COL22A1: variants seen among roughly 807,000 people sequenced by gnomAD.
COL22A1 encodes the protein collagen type XXII alpha 1 chain.
A neutral mutation model predicts 248.9 loss-of-function variants in COL22A1; 221 were observed. That is an observed-to-expected ratio of 0.89 (90% CI 0.80 to 0.99). The LOEUF (loss-of-function observed/expected upper bound fraction) is 0.99, where lower values mean the gene tolerates loss of function less well. Among genes scored for constraint, COL22A1 ranks in the 50% least tolerant of loss-of-function variants. The pLI, the probability that COL22A1 is intolerant of heterozygous loss-of-function variation, is 0.00. For missense variants in COL22A1, 2,240 were observed against 2,179.0 expected, an observed-to-expected ratio of 1.03 and a Z score of -0.56; for synonymous variants, 891 against 793.4, an observed-to-expected ratio of 1.12 and a Z score of -2.07.
At chr8:138,727,730 C>A (rs1338725208) in intron 23 of COL22A1, among the ~76,000 whole-genome samples, 1 of 152,140 alleles carries the variant, frequency 6.6e-6, no homozygotes, top group Non-Finnish European at 1.5e-5. Context: ...TCCGTCCTGG[C>A]AAGTCTTAGG....
intron 39 of COL22A1, among the ~76,000 whole-genome samples, chr8:138,683,883 C>CCCA (rs1200175916): frequency 6.6e-6 from 1 of 152,130 alleles, no homozygotes; most frequent in African/African-American, 2.4e-5. Context: ...GTCAGTGTCT[C>CCCA]CCACCACTTC....
chr8:138,883,910 T>G (rs756051653), intron 1 of COL22A1, among the ~76,000 whole-genome samples: 1 of 152,152 alleles, frequency 6.6e-6, no homozygotes, highest in African/African-American at 2.4e-5. Context: ...TCGTTCAGTG[T>G]CACCGTCCTC....
chr8:138,712,357 G>C (rs1290966163), intron 30 of COL22A1, among the ~76,000 whole-genome samples: 1 of 152,140 alleles, frequency 6.6e-6, no homozygotes, highest in Non-Finnish European at 1.5e-5. Context: ...AACTAGAGGT[G>C]CATTTGGTCA....
At chr8:138,791,273 A>G (rs1026099494) in intron 12 of COL22A1, among the ~76,000 whole-genome samples, 34 of 152,192 alleles carry the variant, frequency 2.2e-4, no homozygotes, top group African/African-American at 6.8e-4. Context: ...AGAATCAATA[A>G]CAGGAAGGCA....
At chr8:138,731,191 C>G (rs1457327237) in intron 23 of COL22A1, among the ~76,000 whole-genome samples, 1 of 151,996 alleles carries the variant, frequency 6.6e-6, no homozygotes, top group African/African-American at 2.4e-5. Context: ...ATCACAGCTA[C>G]TAGGGAGGCT....
intron 16 of COL22A1, among the ~76,000 whole-genome samples, chr8:138,768,990 A>G (rs13340592): frequency 0.088 from 13,309 of 151,664 alleles, 634 homozygotes; most frequent in African/African-American, 0.1. Context: ...TACCTCCCCC[A>G]TGAAGACTCT....
chr8:138,833,457 G>A (rs149057158), intron 4 of COL22A1, among the ~76,000 whole-genome samples: 55 of 152,310 alleles, frequency 3.6e-4, no homozygotes, highest in African/African-American at 1.2e-3. Context: ...TGTGAGGGCC[G>A]CAGGGTCTTG....
rs577295085 is a variant in COL22A1 at position 138,628,348 on chromosome 8, A to C, written c.3664-2105T>G. 1.6e-4 allele frequency among the ~76,000 whole-genome samples: 24 copies of C among 151,102 alleles called. No homozygotes were observed. In the South Asian group the frequency reaches 5.0e-3, roughly 31 times the overall value. On this transcript the variant is annotated intron_variant, in intron 50 of 64. Coordinates refer to ENST00000303045, the MANE Select transcript of COL22A1 (RefSeq NM_152888.3). ...ATGCCTGTAATCCTAGCACTTTGGG[A>C]AGCCAAGGCAGGAGGAACACTTGAG... is the stretch of plus-strand genomic sequence containing the variant.
In COL22A1 at chr8:138,667,647, T is replaced by C. The variant is rs74827085; in HGVS notation, c.3151-3907A>G. On this transcript the variant is annotated intron_variant, in intron 41 of 64. Transcript: ENST00000303045. ...TATATTCTGCCTTCCATATGTCTTG[T>C]ACCACTAGGTATCCAAAGGGTACTT... Among the ~76,000 whole-genome samples the C allele has an allele frequency of 4.7e-3, 713 of 152,338 alleles. 17 individuals carry two copies. In the East Asian group the frequency reaches 0.082, roughly 18 times the overall value.
chr8:138,593,605 A>T (rs1170574193), intron 63 of COL22A1, among the ~76,000 whole-genome samples: 1 of 152,036 alleles, frequency 6.6e-6, no homozygotes, highest in Non-Finnish European at 1.5e-5. Context: ...TGTCCTGATA[A>T]GTCACTGCCT....
intron 1 of COL22A1, among the ~76,000 whole-genome samples, chr8:138,899,045 T>G (rs1814341142): frequency 6.6e-6 from 1 of 152,230 alleles, no homozygotes; most frequent in African/African-American, 2.4e-5. Flanking sequence ...AAGGATGAAT[T>G]AGAAATGTGA....
At chr8:138,668,402 A>G (rs1490098470) in intron 41 of COL22A1, among the ~76,000 whole-genome samples, 1 of 152,186 alleles carries the variant, frequency 6.6e-6, no homozygotes, top group Non-Finnish European at 1.5e-5. Flanking sequence ...ATATACACAC[A>G]CACACACACA....
At chr8:138,604,250 A>G (rs1046309594) in intron 59 of COL22A1, among the ~76,000 whole-genome samples, 1 of 152,186 alleles carries the variant, frequency 6.6e-6, no homozygotes, top group African/African-American at 2.4e-5. Context: ...GCAGACCTGC[A>G]GGTTGTACTG....
Position 138,664,115 on chromosome 8 carries a change from C to A in COL22A1, c.3151-375G>T, listed in dbSNP as rs753027926. 8.4e-4 allele frequency among the ~76,000 whole-genome samples: 127 copies of A among 150,928 alleles called. No homozygotes were observed. In the Middle Eastern group the frequency reaches 0.014, roughly 16 times the overall value. ...CTCTTTCTGCTTGGGAAAGGACGGGCATGATAACGACCACATTCCCCAGCC... is the reference window on the plus strand; with the variant it reads ...CTCTTTCTGCTTGGGAAAGGACGGGAATGATAACGACCACATTCCCCAGCC... On this transcript the variant is annotated intron_variant, in intron 41 of 64. Coordinates refer to ENST00000303045, the MANE Select transcript of COL22A1 (RefSeq NM_152888.3).
chr8:138,681,151 T>A (rs1825931833), intron 39 of COL22A1, among the ~76,000 whole-genome samples: 1 of 152,052 alleles, frequency 6.6e-6, no homozygotes, highest in South Asian at 2.1e-4. Flanking sequence ...TCATAATAAT[T>A]AATAATAAGG....
intron 60 of COL22A1, 34 bp downstream of exon 60, chr8:138,602,081 C>T (rs367806872): frequency 4.3e-5 from 70 of 1,613,400 alleles, no homozygotes; most frequent in African/African-American, 2.9e-4. Flanking sequence ...AGGTCGCGTT[C>T]GGCGTGTTCA....
intron 23 of COL22A1, among the ~76,000 whole-genome samples, chr8:138,730,374 G>A (rs1367271632): frequency 6.6e-6 from 1 of 152,076 alleles, no homozygotes; most frequent in Non-Finnish European, 1.5e-5. Context: ...ATGGCGGTGG[G>A]CAGGGCTCCT....
intron 59 of COL22A1, among the ~76,000 whole-genome samples, chr8:138,602,915 T>C (rs146049797): frequency 6.6e-6 from 1 of 152,340 alleles, no homozygotes; most frequent in East Asian, 1.9e-4. Flanking sequence ...ACACCTAACT[T>C]TCTTTCTCCC....
intron 64 of COL22A1, 22 bp downstream of exon 64, chr8:138,591,402 G>C: frequency 6.4e-7 from 1 of 1,558,126 alleles, no homozygotes; most frequent in South Asian, 1.2e-5. Flanking sequence ...CCCTACCCCT[G>C]AGACTGCAGA....
Sources: allele counts gnomAD v4.1 joint callset (sites outside exome capture counted in the v4.1 genomes callset), GRCh38; gene constraint gnomAD v4.1.1; transcripts MANE v1.5; gene names NCBI Gene and HGNC (gene_info 2026-07-23, HGNC 2026-07-21).